The following SPOP variants were observed in gnomAD, a reference collection of about 807,000 sequenced individuals.
The protein encoded by SPOP is speckle-type POZ protein.
A neutral mutation model predicts 45.6 loss-of-function variants in SPOP; 11 were observed. The observed-to-expected ratio is 0.24, with a 90% confidence interval of 0.15 to 0.40. The LOEUF (loss-of-function observed/expected upper bound fraction) is 0.40. SPOP is among the 10% of genes least tolerant of loss of function. The pLI, the probability that SPOP is intolerant of heterozygous loss-of-function variation, is 1.00. For missense variants in SPOP, 152 were observed against 465.6 expected (o/e 0.33, Z 6.20); for synonymous variants, 166 against 166.3 (o/e 1.00, Z 0.01).
Position 49,621,972 on chromosome 17 carries a change from T to A in SPOP, c.174A>T (p.Ser58=). ...MGEVIKSSTF[S]SGANDKLKWC... ...ATTTCAGTTTATCATTTGCTCCTGATGAAAATGTAGAACTTTTAATGACTT... is the reference window on the plus strand; with the variant it reads ...ATTTCAGTTTATCATTTGCTCCTGAAGAAAATGTAGAACTTTTAATGACTT... Residue 58 remains serine (S), a synonymous_variant, in exon 3 of 10, where the codon TCA becomes TCT. Coordinates refer to ENST00000504102, the MANE Select transcript of SPOP (RefSeq NM_001007228.2). 6.2e-7 allele frequency: 1 copy of A among 1,613,978 alleles called. No individual in the cohort carries two copies. The highest frequency in any genetic ancestry group is 1.1e-5 in the South Asian group (1 of 91,078).
intron 1 of SPOP, among the ~76,000 whole-genome samples, chr17:49,658,556 TTTC>T (rs1191157194): frequency 2.0e-5 from 3 of 152,192 alleles, no homozygotes; most frequent in Non-Finnish European, 4.4e-5. Context: ...TTTCATGTTG[TTTC>T]TTCAAGCCAG....
chr17:49,635,630 CTCT>C (rs1283942499), intron 1 of SPOP, among the ~76,000 whole-genome samples: 2 of 134,772 alleles, frequency 1.5e-5, no homozygotes, highest in African/African-American at 2.7e-5. Flanking sequence ...TAAGGTATCT[CTCT>C]TTTTTTTTTT....
rs1001654220 is a variant in SPOP at position 49,600,683 on chromosome 17, G to A, written c.981-161C>T. The A allele has an allele frequency of 1.8e-5, 13 of 720,298 alleles. No homozygotes were observed. Among genetic ancestry groups the A allele is most frequent in the Middle Eastern group, 2.9e-4 (1 of 3,432 alleles). The allele number at this position is 720,298 out of a possible 1,614,324, so 44.6% of individuals were successfully genotyped here. On this transcript the variant is annotated intron_variant, in intron 9 of 9. Transcript: ENST00000504102. This position sits in a 1 kb window ranked among gnomAD's most constrained non-coding sequence, Gnocchi z 4.2. ...CATAAGAATTTGCTTGTTAGACAAT[G>A]AGCAGACTGGTGACTTGCCTGTGGC...
At chr17:49,633,947 C>A (rs1312375751) in intron 1 of SPOP, among the ~76,000 whole-genome samples, 1 of 151,710 alleles carries the variant, frequency 6.6e-6, no homozygotes, top group East Asian at 1.9e-4. Context: ...TGGGTTAATA[C>A]CATCAGGTGA....
intron 1 of SPOP, among the ~76,000 whole-genome samples, chr17:49,664,715 G>T (rs114727135): frequency 1.3e-5 from 2 of 152,070 alleles, no homozygotes; most frequent in Admixed American, 6.6e-5. Flanking sequence ...TTGAACCTGG[G>T]GCAGGTATCT....
chr17:49,619,434 T>C lies in SPOP; in HGVS notation c.201-49A>G. The C allele has an allele frequency of 6.4e-7, 1 of 1,566,642 alleles. No homozygotes were observed. The highest frequency in any genetic ancestry group is 8.6e-7 in the Non-Finnish European group (1 of 1,158,212). On this transcript the variant is annotated intron_variant, in intron 3 of 9. Coordinates refer to ENST00000504102, the MANE Select transcript of SPOP (RefSeq NM_001007228.2). The surrounding 1 kb of genome is among the most constrained non-coding windows in gnomAD (Gnocchi z 4.9). ...AAAATGTCAAAAGCATCCATTTTGA[T>C]AGAACTGGAAATCAGACTCAAGAGA...
intron 1 of SPOP, among the ~76,000 whole-genome samples, chr17:49,662,498 A>G (rs4794059): frequency 6.6e-4 from 100 of 152,256 alleles, no homozygotes; most frequent in Admixed American, 1.6e-3. Context: ...CCTGGCTGAC[A>G]TGGTGAAACC....
chr17:49,606,804 C>T (rs1205128790), intron 8 of SPOP, among the ~76,000 whole-genome samples: 3 of 152,206 alleles, frequency 2.0e-5, no homozygotes, highest in Admixed American at 1.3e-4. Context: ...CCTCTTGTTT[C>T]TTTTTTCTCA....
chr17:49,621,012 G>A (rs1217709823), intron 3 of SPOP, among the ~76,000 whole-genome samples: 1 of 152,128 alleles, frequency 6.6e-6, no homozygotes, highest in African/African-American at 2.4e-5. Context: ...ATAACTTTTG[G>A]TGGGTTATCA....
At chr17:49,609,868 G>A (rs1292578007) in intron 6 of SPOP, among the ~76,000 whole-genome samples, 1 of 151,582 alleles carries the variant, frequency 6.6e-6, no homozygotes, top group African/African-American at 2.4e-5. Context: ...AGATAGCAAG[G>A]GTATAACCGG....
At chr17:49,624,614 G>A (rs190749127) in intron 1 of SPOP, among the ~76,000 whole-genome samples, 70 of 151,978 alleles carry the variant, frequency 4.6e-4, no homozygotes, top group African/African-American at 1.4e-3. Flanking sequence ...GACTACAGGC[G>A]TGCACCACCA....
At chr17:49,608,788 T>A (rs2071904937) in intron 6 of SPOP, among the ~76,000 whole-genome samples, 2 of 152,216 alleles carry the variant, frequency 1.3e-5, no homozygotes, top group African/African-American at 4.8e-5. Context: ...ATCCAACGAT[T>A]ACCTAAGAGT....
chr17:49,631,890 T>G (rs2072458039), intron 1 of SPOP, among the ~76,000 whole-genome samples: 1 of 152,242 alleles, frequency 6.6e-6, no homozygotes, highest in Non-Finnish European at 1.5e-5. Flanking sequence ...CCACTTCCAC[T>G]TCTAGCCTAT....
At chr17:49,659,058 G>A (rs956094523) in intron 1 of SPOP, among the ~76,000 whole-genome samples, 1 of 152,156 alleles carries the variant, frequency 6.6e-6, no homozygotes, top group Non-Finnish European at 1.5e-5. Context: ...AGAAAGAAGG[G>A]CAGTATAGCT....
chr17:49,624,320 C>CGT (rs1491135326), intron 1 of SPOP, among the ~76,000 whole-genome samples: 3 of 76,052 alleles, frequency 3.9e-5, no homozygotes, highest in African/African-American at 9.5e-5. Context: ...CACACACACA[C>CGT]GCGCGCGCGC....
At chr17:49,623,356 A>C (rs1442740586) in intron 1 of SPOP, among the ~76,000 whole-genome samples, 2 of 152,180 alleles carry the variant, frequency 1.3e-5, no homozygotes, top group Non-Finnish European at 2.9e-5. Context: ...TCTAATGTAA[A>C]GTAGTCACCT....
intron 1 of SPOP, among the ~76,000 whole-genome samples, chr17:49,666,654 C>T (rs1298227988): frequency 6.6e-6 from 1 of 151,410 alleles, no homozygotes; most frequent in East Asian, 1.9e-4. Flanking sequence ...AATGTAAAAC[C>T]ACATCTCTAC....
chr17:49,618,863 G>T, intron 5 of SPOP, 118 bp downstream of exon 5: 1 of 1,222,084 alleles, frequency 8.2e-7, no homozygotes, highest in Non-Finnish European at 1.1e-6. Flanking sequence ...TAACATTTGT[G>T]CAGCACTACT....
intron 1 of SPOP, among the ~76,000 whole-genome samples, chr17:49,654,358 G>T (rs553335515): frequency 6.6e-6 from 1 of 152,314 alleles, no homozygotes; most frequent in African/African-American, 2.4e-5. Flanking sequence ...CTCCCCAGGA[G>T]CTGAGACTAC....
Sources: gnomAD v4.1 joint callset for allele counts (sites outside exome capture counted in the v4.1 genomes callset) on GRCh38, gnomAD v4.1.1 for gene constraint, Gnocchi (gnomAD v3.1) non-coding constraint, MANE v1.5 for transcripts, NCBI Gene and HGNC (gene_info 2026-07-23, HGNC 2026-07-21) for gene names.